TF: variants seen among roughly 807,000 people sequenced by gnomAD.
TF encodes serotransferrin.
Under a neutral mutation model 82.4 loss-of-function variants are expected in TF, and 55 were observed. The observed-to-expected ratio is 0.67, with a 90% CI of 0.54 to 0.84. The LOEUF (loss-of-function observed/expected upper bound fraction) is 0.84. Among genes scored for constraint, TF ranks in the 40% least tolerant of loss-of-function variants. The pLI is 0.00. For missense variants in TF, 737 were observed against 868.4 expected (o/e 0.85, Z 1.90); for synonymous variants, 332 against 332.6 (o/e 1.00, Z 0.02).
intron 2 of TF, among the ~76,000 whole-genome samples, chr3:133,752,730 A>G (rs1426204635): frequency 6.6e-6 from 1 of 152,212 alleles, no homozygotes; most frequent in Non-Finnish European, 1.5e-5. Flanking sequence ...TCCCAGCTCC[A>G]TGACTTACTG....
At chr3:133,771,743 C>CAAAAAAAAAAAAAAAAAAAAAAAAA (rs71136494) in intron 14 of TF, among the ~76,000 whole-genome samples, 7 of 56,550 alleles carry the variant, frequency 1.2e-4, no homozygotes, top group African/African-American at 3.0e-4. Context: ...GACTCCGTCT[C>CAAAAAAAAAAAAAAAAAAAAAAAAA]AAAAAAAAAA....
chr3:133,792,279 A>G lies in TF; in HGVS notation c.*13659A>G, dbSNP rs1934858629. On this transcript the variant is annotated 3_prime_UTR_variant, in exon 17 of 17. Transcript: ENST00000402696. ...AAGTAAAATAAGCGGTTGTTAAAAA[A>G]GAGGGATGTTTAGGACAAGTTAGAA... is the stretch of plus-strand genomic sequence containing the variant. The G allele has an allele frequency of 6.6e-6, 1 of 152,212 alleles. No homozygotes were observed. The allele number at this position is 152,212 out of a possible 1,614,324, so 9.4% of individuals were successfully genotyped here.
the TF span, among the ~76,000 whole-genome samples, chr3:133,699,208 G>A: frequency 6.6e-6 from 1 of 152,240 alleles, no homozygotes; most frequent in Non-Finnish European, 1.5e-5. Context: ...CCAGGCAGTT[G>A]GAGGGCCCTG....
At chr3:133,764,109 GA>G (rs1934064503) in intron 9 of TF, 72 bp from the exon 10 acceptor site, 1 of 1,371,402 alleles carries the variant, frequency 7.3e-7, no homozygotes, top group Non-Finnish European at 1.0e-6. Context: ...CTGCTTCAAG[GA>G]AACAGCTGGA....
chr3:133,738,241 G>A, the TF span, among the ~76,000 whole-genome samples: 3 of 152,104 alleles, frequency 2.0e-5, no homozygotes, highest in Admixed American at 6.5e-5. Flanking sequence ...ATGCAGGAAA[G>A]GCCTTCAACA....
chr3:133,710,755 A>G, the TF span, among the ~76,000 whole-genome samples: 4 of 152,180 alleles, frequency 2.6e-5, no homozygotes, highest in South Asian at 2.1e-4. Context: ...TTCTCTCAAC[A>G]TGTAAACACA....
the TF span, among the ~76,000 whole-genome samples, chr3:133,670,372 C>T: frequency 6.6e-6 from 1 of 152,222 alleles, no homozygotes; most frequent in East Asian, 1.9e-4. Context: ...AACTGTTTTC[C>T]ACCATACAAG....
chr3:133,770,449 T>A, intron 13 of TF, 59 bp from the exon 14 acceptor site: 1 of 1,530,928 alleles, frequency 6.5e-7, no homozygotes, highest in Non-Finnish European at 9.1e-7. Flanking sequence ...GCCCCCTGAA[T>A]GACAGATAAG....
At chr3:133,665,449 CAG>C in the TF span, among the ~76,000 whole-genome samples, 13 of 131,476 alleles carry the variant, frequency 9.9e-5, no homozygotes, top group African/African-American at 3.8e-4. Flanking sequence ...CCTGGGATAA[CAG>C]AGTGAGACCC....
intron 5 of TF, 157 bp downstream of exon 5, chr3:133,755,652 T>C (rs1169526394): frequency 2.1e-6 from 2 of 967,780 alleles, no homozygotes; most frequent in Non-Finnish European, 3.1e-6. Flanking sequence ...CTGGGACTCC[T>C]AGGCCAAGCC....
chr3:133,702,908 T>C, the TF span, among the ~76,000 whole-genome samples: 5 of 152,170 alleles, frequency 3.3e-5, no homozygotes, highest in African/African-American at 1.2e-4. Flanking sequence ...AAGGATTAAG[T>C]AAATCTCAGT....
chr3:133,760,309 C>G (rs1933962219), intron 9 of TF: 1 of 152,388 alleles, frequency 6.6e-6, no homozygotes, highest in South Asian at 2.1e-4. Flanking sequence ...TATGAATAAC[C>G]ATGTATCTTC....
chr3:133,757,240 A>C (rs940810525), intron 7 of TF, among the ~76,000 whole-genome samples: 1 of 152,134 alleles, frequency 6.6e-6, no homozygotes, highest in Admixed American at 6.5e-5. Flanking sequence ...ACACCTGAAG[A>C]GGCTCTGTAT....
chr3:133,663,342 A>C, the TF span, among the ~76,000 whole-genome samples: 1 of 140,790 alleles, frequency 7.1e-6, no homozygotes, highest in Non-Finnish European at 1.5e-5. Context: ...GCTTTAATAA[A>C]TATCATTAAT....
chr3:133,727,965 G>A, the TF span, among the ~76,000 whole-genome samples: 1 of 152,114 alleles, frequency 6.6e-6, no homozygotes, highest in South Asian at 2.1e-4. Context: ...TTTTCTTTAA[G>A]AATGTTGAAT....
At chr3:133,774,692 T>C (rs555600876) in intron 14 of TF, 11 of 181,658 alleles carry the variant, frequency 6.1e-5, no homozygotes, top group Non-Finnish European at 1.1e-4. Context: ...TTCAAAAATT[T>C]ATGAGTGTGA....
the TF span, among the ~76,000 whole-genome samples, chr3:133,720,909 G>C: frequency 6.6e-6 from 1 of 151,818 alleles, no homozygotes; most frequent in Non-Finnish European, 1.5e-5. Context: ...AGTCTCTTAT[G>C]ATCTTTCATG....
rs1416026679 is a variant in TF at position 133,756,811 on chromosome 3, C to T, written c.692-20C>T. 1.2e-6 allele frequency: 2 copies of T among 1,614,176 alleles called. No homozygotes were observed. The highest frequency in any genetic ancestry group is 1.7e-5 in the Admixed American group (1 of 60,026). ...CCATGGCTCTCCTGTGTTAAGCTCA[C>T]CTGGGCTTTCCCTCCCCAGAGAACT... On this transcript the variant is annotated intron_variant, in intron 6 of 16. Transcript: ENST00000402696.
At chr3:133,719,104 G>A in the TF span, among the ~76,000 whole-genome samples, 2 of 152,148 alleles carry the variant, frequency 1.3e-5, no homozygotes, top group Non-Finnish European at 2.9e-5. Flanking sequence ...TGAACCCAGA[G>A]AAACATTTTT....
Sources: gnomAD v4.1 joint callset for allele counts (sites outside exome capture counted in the v4.1 genomes callset) on GRCh38, gnomAD v4.1.1 for gene constraint, MANE v1.5 for transcripts, NCBI Gene and HGNC (gene_info 2026-07-23, HGNC 2026-07-21) for gene names.